TIAM2: variants seen among roughly 807,000 people sequenced by gnomAD.
TIAM2 encodes rho guanine nucleotide exchange factor TIAM2.
TIAM2 carries 80 observed loss-of-function variants against 152.9 expected under a neutral mutation model. The ratio of observed to expected loss-of-function variants is 0.52; its 90% CI spans 0.44 to 0.63. The LOEUF is 0.63. Among genes scored for constraint, TIAM2 ranks in the 30% least tolerant of loss-of-function variants. The pLI, the probability that TIAM2 is intolerant of heterozygous loss-of-function variation, is 0.00. For missense variants in TIAM2, 1,965 were observed against 2,120.1 expected (o/e 0.93, Z 1.44); for synonymous variants, 804 against 838.0 (o/e 0.96, Z 0.70).
intron 4 of TIAM2, among the ~76,000 whole-genome samples, chr6:155,135,965 TG>T (rs941595394): frequency 9.9e-5 from 15 of 151,692 alleles, no homozygotes; most frequent in Non-Finnish European, 1.5e-5. Flanking sequence ...GAGGCTGAGG[TG>T]GGCGGATCAC....
rs200880796 is a variant in TIAM2, at chr6:155,011,044, C to CAA, written c.-209+15565_-209+15566dup. 3.3e-3 allele frequency among the ~76,000 whole-genome samples: 461 copies of CAA among 140,588 alleles called. 5 individuals are homozygous for CAA. Among genetic ancestry groups the CAA allele is most frequent in the Admixed American group, 5.0e-3 (71 of 14,306 alleles). 92.2% of individuals were successfully genotyped at this position (140,588 alleles called of 152,430 possible). A position where few individuals can be genotyped will look rare whatever the true frequency, so the allele number is the denominator to read the frequency against. On this transcript the variant is annotated intron_variant, in intron 1 of 26. Transcript: ENST00000682666. ...TGGTGACAAGAGTGAAACTCTGTCT[C>CAA]AAAAAAAAAAAAAATTAAATTTAGG...
chr6:155,133,604 C>T (rs1023092970), intron 4 of TIAM2, among the ~76,000 whole-genome samples: 1 of 152,100 alleles, frequency 6.6e-6, no homozygotes, highest in African/African-American at 2.4e-5. Context: ...AGCATCTTCC[C>T]ATTGCCCTCT....
At chr6:154,999,379 G>A (rs1778275774) in intron 1 of TIAM2, among the ~76,000 whole-genome samples, 1 of 151,562 alleles carries the variant, frequency 6.6e-6, no homozygotes, top group Admixed American at 6.6e-5. Context: ...GCTAATTTTT[G>A]TATTTTTAGT....
intron 15 of TIAM2, among the ~76,000 whole-genome samples, chr6:155,237,654 C>G (rs1782836678): frequency 6.6e-6 from 1 of 152,228 alleles, no homozygotes; most frequent in Non-Finnish European, 1.5e-5. Flanking sequence ...CTTATGTGCA[C>G]TGGCAGGCTC....
chr6:154,997,655 T>C (rs1778240895), intron 1 of TIAM2, among the ~76,000 whole-genome samples: 1 of 142,742 alleles, frequency 7.0e-6, no homozygotes, highest in Admixed American at 7.1e-5. Context: ...TTTTTTTTTT[T>C]TTTGAGACAG....
intron 2 of TIAM2, among the ~76,000 whole-genome samples, chr6:155,112,126 T>C (rs1038248632): frequency 5.2e-5 from 4 of 77,346 alleles, no homozygotes; most frequent in Non-Finnish European, 8.4e-5. Context: ...TGGTTTCCTC[T>C]TTTTTTTTTT....
chr6:155,021,004 T>G (rs989568261), intron 1 of TIAM2, among the ~76,000 whole-genome samples: 13 of 152,192 alleles, frequency 8.5e-5, no homozygotes, highest in African/African-American at 2.7e-4. Flanking sequence ...GACTGGCTTA[T>G]TTTGCTTAGC....
In TIAM2 at chr6:155,251,927, CT is replaced by C. The variant is rs1783682384; in HGVS notation, c.4061-17del. On this transcript the variant is annotated splice_polypyrimidine_tract_variant and intron_variant, in intron 22 of 26. Transcript: ENST00000682666. The stretch of plus-strand genomic sequence containing the variant: ...TTTGCATAAAATAAAGACTTTCTTT[CT>C]CTTTTCCTTTCTTTAGTTTTTAAGA... 1.3e-6 allele frequency: 2 copies of C among 1,587,238 alleles called. No individual in the cohort carries two copies. Among genetic ancestry groups the C allele is most frequent in the African/African-American group, 2.7e-5 (2 of 73,686 alleles).
At chr6:155,177,574 T>C (rs1780786904) in intron 10 of TIAM2, among the ~76,000 whole-genome samples, 1 of 152,232 alleles carries the variant, frequency 6.6e-6, no homozygotes, top group Admixed American at 6.5e-5. Context: ...CAGTAGAGCT[T>C]AAATAGTTTT....
intron 2 of TIAM2, among the ~76,000 whole-genome samples, chr6:155,109,527 G>A (rs1471928829): frequency 3.3e-5 from 5 of 152,182 alleles, no homozygotes; most frequent in South Asian, 2.1e-4. Flanking sequence ...ATGTCTGACT[G>A]TTGAATTCTA....
At chr6:155,108,346 G>A (rs1778748602) in intron 2 of TIAM2, among the ~76,000 whole-genome samples, 1 of 152,070 alleles carries the variant, frequency 6.6e-6, no homozygotes, top group African/African-American at 2.4e-5. Flanking sequence ...TTTTATTGAT[G>A]ACTTTTCCTT....
At chr6:155,248,909 A>G (rs2115341901) in intron 20 of TIAM2, among the ~76,000 whole-genome samples, 1 of 152,372 alleles carries the variant, frequency 6.6e-6, no homozygotes. Context: ...TGAATAATAA[A>G]TACTGAGAAG....
rs1297673337 is a variant in TIAM2 at position 155,024,379 on chromosome 6, G to A, written c.-209+28887G>A. ...CAACACAATTTTTAAAAATTCAGAG[G>A]ATTTTCAGACAACAAATTTCCTGGA... On this transcript the variant is annotated intron_variant, in intron 1 of 26. Coordinates refer to ENST00000682666, the MANE Select transcript of TIAM2 (RefSeq NM_012454.4). Among the ~76,000 whole-genome samples the A allele has an allele frequency of 7.2e-5, 11 of 151,968 alleles. No individual in the cohort carries two copies. The South Asian group carries it at 1.5e-3, about 20-fold the overall frequency.
At chr6:154,998,443 A>G (rs976823905) in intron 1 of TIAM2, among the ~76,000 whole-genome samples, 5 of 152,156 alleles carry the variant, frequency 3.3e-5, no homozygotes, top group Non-Finnish European at 7.3e-5. Flanking sequence ...TATGCATGAA[A>G]AATGCAGTTT....
intron 1 of TIAM2, among the ~76,000 whole-genome samples, chr6:155,088,162 C>A (rs1778217122): frequency 6.8e-6 from 1 of 146,070 alleles, no homozygotes; most frequent in South Asian, 2.2e-4. Flanking sequence ...ACAAGTGATT[C>A]TTCTGCCTCA....
chr6:155,235,529 G>A (rs550018891), intron 15 of TIAM2, among the ~76,000 whole-genome samples: 25 of 152,192 alleles, frequency 1.6e-4, no homozygotes, highest in Non-Finnish European at 2.9e-4. Context: ...TAAACATCAC[G>A]AACAGTGGGT....
At chr6:155,083,612 G>C (rs1179024309) in intron 1 of TIAM2, among the ~76,000 whole-genome samples, 1 of 152,176 alleles carries the variant, frequency 6.6e-6, no homozygotes, top group Non-Finnish European at 1.5e-5. Flanking sequence ...TTGGGGCATG[G>C]ATTGTGTGGT....
intron 1 of TIAM2, among the ~76,000 whole-genome samples, chr6:155,010,309 T>C (rs1169810852): frequency 2.6e-5 from 4 of 152,212 alleles, no homozygotes; most frequent in Non-Finnish European, 5.9e-5. Context: ...TCATAAAAGA[T>C]CCACAGCTCA....
intron 7 of TIAM2, among the ~76,000 whole-genome samples, chr6:155,161,867 C>T (rs1431201608): frequency 6.6e-6 from 1 of 151,180 alleles, no homozygotes; most frequent in Non-Finnish European, 1.5e-5. Context: ...CGTGAGCCAT[C>T]ACTCCCGGCC....
Sources: allele counts gnomAD v4.1 joint callset (sites outside exome capture counted in the v4.1 genomes callset), GRCh38; gene constraint gnomAD v4.1.1; transcripts MANE v1.5; gene names NCBI Gene and HGNC (gene_info 2026-07-23, HGNC 2026-07-21).